Variants in AUTS2 observed in about 807,000 individuals in gnomAD.
AUTS2 encodes activator of transcription and developmental regulator AUTS2.
AUTS2 carries 17 observed loss-of-function variants against 112.4 expected under a neutral mutation model. The ratio of observed to expected loss-of-function variants is 0.15; its 90% CI spans 0.10 to 0.23. The LOEUF is 0.23. Among genes scored for constraint, AUTS2 ranks in the 10% least tolerant of loss-of-function variants. AUTS2 has a pLI of 1.00. For missense variants in AUTS2, 1,510 were observed against 1,701.6 expected (o/e 0.89, Z 1.98); for synonymous variants, 751 against 702.7 (o/e 1.07, Z -1.09).
intron 1 of AUTS2, among the ~76,000 whole-genome samples, chr7:69,744,170 C>T (rs944143473): frequency 2.0e-5 from 3 of 152,116 alleles, no homozygotes; most frequent in African/African-American, 4.8e-5. Context: ...CTGTGGTATT[C>T]CACTGTTGAA....
chr7:70,278,609 A>G (rs1788054327), intron 4 of AUTS2, among the ~76,000 whole-genome samples: 1 of 150,904 alleles, frequency 6.6e-6, no homozygotes, highest in African/African-American at 2.4e-5. Flanking sequence ...ATACATACAT[A>G]CATACATACA....
At chr7:70,504,665 A>G (rs544784377) in intron 5 of AUTS2, among the ~76,000 whole-genome samples, 1 of 152,242 alleles carries the variant, frequency 6.6e-6, no homozygotes, top group South Asian at 2.1e-4. Flanking sequence ...CAAACATCTA[A>G]TGTTTTCCTC....
chr7:69,629,936 G>T (rs1794148909), intron 1 of AUTS2, among the ~76,000 whole-genome samples: 2 of 152,090 alleles, frequency 1.3e-5, no homozygotes, highest in Non-Finnish European at 2.9e-5. Context: ...ACTGAATCAG[G>T]CAGGTTATGC....
At chr7:70,695,014 GC>G (rs1192132258) in intron 5 of AUTS2, 2 of 152,286 alleles carry the variant, frequency 1.3e-5, no homozygotes, top group Non-Finnish European at 2.9e-5. Context: ...TGAACTTGGG[GC>G]TGACCGGACC....
chr7:69,669,808 G>T (rs1010567089), intron 1 of AUTS2, among the ~76,000 whole-genome samples: 1 of 151,788 alleles, frequency 6.6e-6, no homozygotes, highest in Non-Finnish European at 1.5e-5. Flanking sequence ...CTTCATACTC[G>T]ATTGTTCTCT....
rs570344005 is a variant in AUTS2, at chr7:70,362,785, C to T, written c.661-72967C>T. ...CTTCATATAGTTCCTTGTTTTATTG[C>T]TTTAAACATTTTTTCAACAGATACT... On this transcript the variant is annotated intron_variant, in intron 4 of 18. Coordinates refer to ENST00000342771, the MANE Select transcript of AUTS2 (RefSeq NM_015570.4). Among the ~76,000 whole-genome samples, 38 of 152,158 alleles carry T rather than the reference C, an allele frequency of 2.5e-4. 1 individual carries two copies. In the South Asian group the frequency reaches 7.9e-3, roughly 32 times the overall value.
At chr7:70,435,268 C>A (rs1394693750) in intron 4 of AUTS2, among the ~76,000 whole-genome samples, 3 of 152,198 alleles carry the variant, frequency 2.0e-5, no homozygotes, top group Non-Finnish European at 4.4e-5. Flanking sequence ...ACTACAACGC[C>A]CAGAGGTTTA....
chr7:70,004,315 TA>T (rs1281752516), intron 2 of AUTS2, among the ~76,000 whole-genome samples: 2 of 135,608 alleles, frequency 1.5e-5, no homozygotes, highest in Non-Finnish European at 3.1e-5. Context: ...GACTATATAT[TA>T]TATATATAAT....
intron 5 of AUTS2, among the ~76,000 whole-genome samples, chr7:70,478,256 C>T (rs1797656584): frequency 6.6e-6 from 1 of 152,122 alleles, no homozygotes; most frequent in African/African-American, 2.4e-5. Context: ...ATAAAGATCA[C>T]TCATAATTCC....
chr7:70,414,834 C>T (rs553958600), intron 4 of AUTS2, among the ~76,000 whole-genome samples: 2 of 152,178 alleles, frequency 1.3e-5, no homozygotes, highest in East Asian at 1.9e-4. Flanking sequence ...GCTCAAAGCA[C>T]GAGTTACAGT....
intron 2 of AUTS2, among the ~76,000 whole-genome samples, chr7:69,911,729 G>A (rs1207530612): frequency 1.3e-5 from 2 of 152,092 alleles, no homozygotes; most frequent in Non-Finnish European, 2.9e-5. Context: ...GCTGAGTCTC[G>A]GGTTTTTATG....
intron 1 of AUTS2, among the ~76,000 whole-genome samples, chr7:69,602,036 ATATATGTGTGTGTGTGTGTGTG>A (rs1253616051): frequency 3.3e-4 from 6 of 17,974 alleles, no homozygotes; most frequent in Non-Finnish European, 8.5e-4. Flanking sequence ...ATATATATAT[ATATATGTGTGTGTGTGTGTGTG>A]TGTGTGTGTG....
Position 70,727,888 on chromosome 7 carries a change from C to G in AUTS2, c.742+29268C>G, listed in dbSNP as rs948485467. Among the ~76,000 whole-genome samples, 76 of 152,172 alleles carry G rather than the reference C, an allele frequency of 5.0e-4. 2 individuals are homozygous for G. Among genetic ancestry groups the G allele is most frequent in the Non-Finnish European group, 1.2e-4 (8 of 68,042 alleles). ...GTGGATAAGTGTGATTGGACAAAGG[C>G]CAGGATCTGCAGGTAATACAGTGGA... is the stretch of plus-strand genomic sequence containing the variant. On this transcript the variant is annotated intron_variant, in intron 6 of 18. Coordinates refer to ENST00000342771, the MANE Select transcript of AUTS2 (RefSeq NM_015570.4).
intron 1 of AUTS2, among the ~76,000 whole-genome samples, chr7:69,807,693 G>A (rs1224439162): frequency 1.3e-5 from 2 of 152,128 alleles, no homozygotes; most frequent in Non-Finnish European, 2.9e-5. Flanking sequence ...TCATCTGAAT[G>A]TTTGACTGGA....
chr7:69,638,158 A>G (rs1794633884), intron 1 of AUTS2, among the ~76,000 whole-genome samples: 1 of 152,170 alleles, frequency 6.6e-6, no homozygotes, highest in Non-Finnish European at 1.5e-5. Flanking sequence ...AGCTGGGACT[A>G]CAGGTGCATG....
intron 5 of AUTS2, among the ~76,000 whole-genome samples, chr7:70,574,617 G>C (rs942697102): frequency 3.3e-5 from 5 of 151,942 alleles, no homozygotes; most frequent in South Asian, 2.1e-4. Context: ...TGCATGCTGG[G>C]TTTTAACTTT....
At chr7:69,821,228 A>G (rs1790977161) in intron 1 of AUTS2, among the ~76,000 whole-genome samples, 1 of 152,200 alleles carries the variant, frequency 6.6e-6, no homozygotes, top group African/African-American at 2.4e-5. Flanking sequence ...AGAAATACAC[A>G]TTTAAGTCCA....
At chr7:69,995,497 T>A (rs1484212036) in intron 2 of AUTS2, among the ~76,000 whole-genome samples, 1 of 152,174 alleles carries the variant, frequency 6.6e-6, no homozygotes, top group Non-Finnish European at 1.5e-5. Flanking sequence ...AGAAGGGTTC[T>A]CCCTCCTTCT....
intron 5 of AUTS2, among the ~76,000 whole-genome samples, chr7:70,511,510 T>C (rs1340494333): frequency 6.6e-6 from 1 of 151,146 alleles, no homozygotes; most frequent in Non-Finnish European, 1.5e-5. Flanking sequence ...CCCTTTGTCC[T>C]GTCATAATTT....
Sources: allele counts gnomAD v4.1 joint callset (sites outside exome capture counted in the v4.1 genomes callset), GRCh38; gene constraint gnomAD v4.1.1; transcripts MANE v1.5; gene names NCBI Gene and HGNC (gene_info 2026-07-23, HGNC 2026-07-21).